Variants in LDB2 observed in about 807,000 individuals in gnomAD.
LDB2 encodes LIM domain-binding protein 2.
LDB2 carries 12 observed loss-of-function variants against 44.3 expected under a neutral mutation model. The ratio of observed to expected loss-of-function variants is 0.27; its 90% CI spans 0.17 to 0.44. The LOEUF is 0.44. Among genes scored for constraint, LDB2 ranks in the 20% least tolerant of loss-of-function variants. The probability of loss-of-function intolerance (pLI) is 1.00; values close to 1 mark genes in which losing one functional copy is unlikely to be tolerated. For synonymous variants in LDB2, 164 were observed against 174.8 expected (o/e 0.94, Z 0.49); for missense variants, 344 against 473.5 (o/e 0.73, Z 2.54).
chr4:16,868,220 T>G (rs1411179425), intron 1 of LDB2, among the ~76,000 whole-genome samples: 1 of 152,180 alleles, frequency 6.6e-6, no homozygotes. Context: ...GGCTTACCCA[T>G]AGTTTCTGTG....
chr4:16,838,429 C>A (rs1207329586), intron 1 of LDB2, among the ~76,000 whole-genome samples: 1 of 152,164 alleles, frequency 6.6e-6, no homozygotes, highest in Non-Finnish European at 1.5e-5. Context: ...TCTGGAAAGG[C>A]GACTTTTAAA....
intron 1 of LDB2, among the ~76,000 whole-genome samples, chr4:16,764,754 T>C (rs1021003893): frequency 6.6e-6 from 1 of 152,216 alleles, no homozygotes; most frequent in Admixed American, 6.5e-5. Context: ...GGAGAAATGA[T>C]GCGGAAGTAC....
At position 16,561,916 on chromosome 4, in the gene LDB2, A is replaced by G. The variant is rs530521068; in HGVS notation, c.615+24006T>C. On this transcript the variant is annotated intron_variant, in intron 5 of 7. Transcript: ENST00000304523. ...ACAGAGCCCTCAGAAATAACGCCAC[A>G]TATCTACAACTATCTGACCTTTCAC... 3.5e-4 allele frequency among the ~76,000 whole-genome samples: 54 copies of G among 152,294 alleles called. No homozygotes were observed. The East Asian group carries it at 6.6e-3, about 19-fold the overall frequency.
At chr4:16,737,001 G>A (rs1290518048) in intron 2 of LDB2, among the ~76,000 whole-genome samples, 1 of 151,986 alleles carries the variant, frequency 6.6e-6, no homozygotes, top group Non-Finnish European at 1.5e-5. Flanking sequence ...ATGTTAAAAA[G>A]ACATAGATAT....
At chr4:16,515,745 T>C (rs1723392403) in intron 5 of LDB2, among the ~76,000 whole-genome samples, 1 of 152,210 alleles carries the variant, frequency 6.6e-6, no homozygotes, top group Admixed American at 6.5e-5. Flanking sequence ...TTACCACTTA[T>C]TGTAAATGAG....
At chr4:16,543,680 A>G (rs1184892355) in intron 5 of LDB2, among the ~76,000 whole-genome samples, 2 of 152,210 alleles carry the variant, frequency 1.3e-5, no homozygotes, top group South Asian at 2.1e-4. Context: ...AACCTAGGCA[A>G]TACCATTCAG....
intron 1 of LDB2, among the ~76,000 whole-genome samples, chr4:16,866,381 A>G (rs925630116): frequency 6.6e-6 from 1 of 152,250 alleles, no homozygotes; most frequent in African/African-American, 2.4e-5. Flanking sequence ...ATGTTACTTT[A>G]TTAATTTTAA....
intron 3 of LDB2, among the ~76,000 whole-genome samples, chr4:16,593,594 C>G (rs1719871085): frequency 6.6e-6 from 1 of 152,116 alleles, no homozygotes; most frequent in South Asian, 2.1e-4. Context: ...CTCCATTTCC[C>G]AGAAAGTGAT....
At chr4:16,589,059 T>C (rs956495692) in intron 3 of LDB2, among the ~76,000 whole-genome samples, 7 of 152,244 alleles carry the variant, frequency 4.6e-5, no homozygotes, top group Non-Finnish European at 1.0e-4. Context: ...GATGTGCTAG[T>C]AATTCTACTA....
intron 2 of LDB2, among the ~76,000 whole-genome samples, chr4:16,718,459 T>C (rs1354258793): frequency 6.6e-6 from 1 of 152,152 alleles, no homozygotes; most frequent in Admixed American, 6.6e-5. Context: ...AAATTTCTGA[T>C]GACTTTTACT....
At chr4:16,633,092 G>T (rs1189526287) in intron 2 of LDB2, among the ~76,000 whole-genome samples, 1 of 152,166 alleles carries the variant, frequency 6.6e-6, no homozygotes, top group African/African-American at 2.4e-5. Context: ...ATACACCATG[G>T]AATACTACGC....
intron 1 of LDB2, among the ~76,000 whole-genome samples, chr4:16,863,911 C>T (rs1023558873): frequency 1.3e-5 from 2 of 152,126 alleles, no homozygotes; most frequent in Non-Finnish European, 1.5e-5. Flanking sequence ...CCGCCCGCCT[C>T]GGCTTCCCGA....
At chr4:16,561,873 A>G (rs1742450502) in intron 5 of LDB2, among the ~76,000 whole-genome samples, 1 of 152,236 alleles carries the variant, frequency 6.6e-6, no homozygotes, top group Non-Finnish European at 1.5e-5. Context: ...AAACAGAGAT[A>G]TAGACCAATG....
chr4:16,863,903 G>A (rs796132438), intron 1 of LDB2, among the ~76,000 whole-genome samples: 1 of 151,958 alleles, frequency 6.6e-6, no homozygotes, highest in East Asian at 2.0e-4. Context: ...CTCGTGATCC[G>A]CCCGCCTCGG....
At chr4:16,730,835 G>C (rs903595519) in intron 2 of LDB2, among the ~76,000 whole-genome samples, 1 of 151,726 alleles carries the variant, frequency 6.6e-6, no homozygotes, top group Admixed American at 6.6e-5. Context: ...CATTTACCAA[G>C]CTCCTATACC....
intron 2 of LDB2, among the ~76,000 whole-genome samples, chr4:16,657,857 C>T (rs1303184455): frequency 6.6e-6 from 1 of 152,178 alleles, no homozygotes; most frequent in Non-Finnish European, 1.5e-5. Context: ...AGTGAACACG[C>T]TTTACTTAGT....
At chr4:16,550,799 A>G (rs1737387422) in intron 5 of LDB2, among the ~76,000 whole-genome samples, 5 of 152,254 alleles carry the variant, frequency 3.3e-5, no homozygotes, top group Admixed American at 3.3e-4. Context: ...GGAGACTTGT[A>G]CAAGGGTGTT....
intron 1 of LDB2, among the ~76,000 whole-genome samples, chr4:16,799,273 C>G (rs116411917): frequency 1.2e-4 from 19 of 152,330 alleles, no homozygotes; most frequent in African/African-American, 4.3e-4. Context: ...AAGAAGTCTC[C>G]CCAACTCACA....
At chr4:16,674,460 G>A (rs1483302981) in intron 2 of LDB2, 35 of 387,188 alleles carry the variant, frequency 9.0e-5, no homozygotes, top group Non-Finnish European at 8.6e-5. Context: ...CACGTATTGG[G>A]CTCTATGTGG....
Sources: gnomAD v4.1 joint callset for allele counts (sites outside exome capture counted in the v4.1 genomes callset) on GRCh38, gnomAD v4.1.1 for gene constraint, MANE v1.5 for transcripts, NCBI Gene and HGNC (gene_info 2026-07-23, HGNC 2026-07-21) for gene names.